The following FDX1 variants were observed in gnomAD, a reference collection of about 807,000 sequenced individuals.
The protein encoded by FDX1 is ferredoxin 1.
In FDX1, 9 loss-of-function variants were observed where a neutral mutation model predicts 14.9. The observed-to-expected ratio is 0.60, with a 90% CI of 0.36 to 1.05. FDX1 has a LOEUF of 1.05. Among genes scored for constraint, FDX1 ranks in the 50% least tolerant of loss-of-function variants. The pLI is 0.01. For missense variants in FDX1, 204 were observed against 237.2 expected (o/e 0.86, Z 0.92); for synonymous variants, 92 against 99.4 (o/e 0.93, Z 0.44).
Position 110,462,524 on chromosome 11 carries a change from T to C in FDX1, c.*56T>C. 1 of 1,002,550 alleles carries C rather than the reference T, an allele frequency of 1.0e-6. No homozygotes were observed. Among genetic ancestry groups the C allele is most frequent in the Non-Finnish European group, 1.5e-6 (1 of 658,918 alleles). The allele number at this position is 1,002,550 out of a possible 1,614,324, so 62.1% of individuals were successfully genotyped here. A position where few individuals can be genotyped will look rare whatever the true frequency, so the allele number is the denominator to read the frequency against. ...TTTTACCTATTTTTATAATTATTAT[T>C]TCTTAAAGTGATTAAATGAGAACAT... is the stretch of plus-strand genomic sequence containing the variant. On this transcript the variant is annotated 3_prime_UTR_variant, in exon 4 of 4. Transcript: ENST00000260270.
intron 3 of FDX1, among the ~76,000 whole-genome samples, chr11:110,458,910 G>A (rs1311467997): frequency 1.3e-5 from 2 of 152,072 alleles, no homozygotes; most frequent in African/African-American, 4.8e-5. Flanking sequence ...TGGCTTCAAT[G>A]TTTTATTGGT....
chr11:110,434,082 A>G lies in FDX1; in HGVS notation c.186-1752A>G, dbSNP rs368560777. ...TAGTTTTTAGTATAATGGCTTCTCA[A>G]ATTTTGGAGGGATGTTTGTGAGAAG... On this transcript the variant is annotated intron_variant, in intron 1 of 3. Coordinates refer to ENST00000260270, the MANE Select transcript of FDX1 (RefSeq NM_004109.5). 2.8e-3 allele frequency among the ~76,000 whole-genome samples: 429 copies of G among 152,298 alleles called. 3 individuals are homozygous for G. Among genetic ancestry groups the G allele is most frequent in the African/African-American group, 8.2e-3 (342 of 41,556 alleles).
At chr11:110,448,079 A>G (rs1396382283) in intron 2 of FDX1, among the ~76,000 whole-genome samples, 3 of 152,204 alleles carry the variant, frequency 2.0e-5, no homozygotes, top group African/African-American at 4.8e-5. Flanking sequence ...TGATGCAGGT[A>G]CCTGTTTTCA....
chr11:110,435,990 G>A, intron 2 of FDX1, 32 bp downstream of exon 2: 1 of 1,573,484 alleles, frequency 6.4e-7, no homozygotes, highest in Non-Finnish European at 8.6e-7. Context: ...AAATGCATAA[G>A]TGAAACTGTT....
At chr11:110,457,389 A>G (rs1211054821) in intron 3 of FDX1, among the ~76,000 whole-genome samples, 1 of 148,386 alleles carries the variant, frequency 6.7e-6, no homozygotes, top group African/African-American at 2.5e-5. Context: ...ATTGAACACA[A>G]TTATAATGGA....
In FDX1 at chr11:110,463,187, T is replaced by A. The variant is rs1946566516; in HGVS notation, c.*719T>A. The stretch of plus-strand genomic sequence containing the variant: ...GTTTATTCTTTTCTAAGCAGAATGG[T>A]TTAACTTTGTACTCTTTGAAAAATA... On this transcript the variant is annotated 3_prime_UTR_variant, in exon 4 of 4. Coordinates refer to ENST00000260270, the MANE Select transcript of FDX1 (RefSeq NM_004109.5). 6.6e-6 allele frequency: 1 copy of A among 152,242 alleles called. No individual in the cohort carries two copies. Among genetic ancestry groups the A allele is most frequent in the Admixed American group, 6.5e-5 (1 of 15,280 alleles). The allele number at this position is 152,242 out of a possible 1,614,324, so 9.4% of individuals were successfully genotyped here.
intron 1 of FDX1, among the ~76,000 whole-genome samples, chr11:110,431,738 A>G (rs1344361293): frequency 6.6e-6 from 1 of 152,130 alleles, no homozygotes; most frequent in Non-Finnish European, 1.5e-5. Flanking sequence ...TATCTTTCTC[A>G]GATTTGTTTT....
At chr11:110,462,000 TC>T (rs1946559673) in intron 3 of FDX1, among the ~76,000 whole-genome samples, 1 of 152,248 alleles carries the variant, frequency 6.6e-6, no homozygotes, top group South Asian at 2.1e-4. Flanking sequence ...TTAATCATTT[TC>T]TTGGCCTTGC....
chr11:110,461,029 A>T (rs1946553065), intron 3 of FDX1, among the ~76,000 whole-genome samples: 1 of 152,232 alleles, frequency 6.6e-6, no homozygotes, highest in African/African-American at 2.4e-5. Context: ...GATTTCATCA[A>T]ATTGAAGACA....
chr11:110,430,420 C>T, intron 1 of FDX1, 115 bp downstream of exon 1: 1 of 674,610 alleles, frequency 1.5e-6, no homozygotes, highest in Non-Finnish European at 2.0e-6. Context: ...GGGCCCACAC[C>T]CCGGAGGCCT....
At chr11:110,449,043 T>G (rs1946470101) in intron 2 of FDX1, among the ~76,000 whole-genome samples, 1 of 152,218 alleles carries the variant, frequency 6.6e-6, no homozygotes, top group Non-Finnish European at 1.5e-5. Flanking sequence ...AAATCATTTT[T>G]AAAGCCTGTA....
intron 2 of FDX1, among the ~76,000 whole-genome samples, chr11:110,450,109 C>T (rs1244246461): frequency 6.6e-6 from 1 of 152,116 alleles, no homozygotes; most frequent in African/African-American, 2.4e-5. Context: ...GACAAATTTT[C>T]CATGGGCAAG....
chr11:110,446,267 T>G (rs1324727044), intron 2 of FDX1, among the ~76,000 whole-genome samples: 1 of 152,190 alleles, frequency 6.6e-6, no homozygotes, highest in African/African-American at 2.4e-5. Context: ...GGGCAGCTGT[T>G]TCATTAATTC....
At chr11:110,434,720 T>C (rs1229760354) in intron 1 of FDX1, among the ~76,000 whole-genome samples, 1 of 113,156 alleles carries the variant, frequency 8.8e-6, no homozygotes, top group East Asian at 3.1e-4. Context: ...GTGATGACTT[T>C]TTTTGTTTTT....
intron 2 of FDX1, among the ~76,000 whole-genome samples, chr11:110,449,601 T>A (rs1468604380): frequency 1.3e-5 from 2 of 152,230 alleles, no homozygotes; most frequent in African/African-American, 4.8e-5. Context: ...GCAGTCACCA[T>A]GCTGTTGCTA....
At position 110,444,667 on chromosome 11, in the gene FDX1, TATATATATATATATATACAC is replaced by T. The variant is rs1565381791; in HGVS notation, c.310+8710_310+8729del. On this transcript the variant is annotated intron_variant, in intron 2 of 3. Transcript: ENST00000260270. The stretch of plus-strand genomic sequence containing the variant: ...GTGTGTGTGTATATATATATATACG[TATATATATATATATATACAC>T]GTATATATATATATATACGTATATA... Among the ~76,000 whole-genome samples, 43 of 55,218 alleles carry T rather than the reference TATATATATATATATATACAC, an allele frequency of 7.8e-4. 5 individuals are homozygous for T. The highest frequency in any genetic ancestry group is 4.0e-3 in the African/African-American group (39 of 9,684). The allele number at this position is 55,218 out of a possible 152,430, so 36.2% of individuals were successfully genotyped here.
At chr11:110,453,117 A>G (rs1946497094) in intron 2 of FDX1, among the ~76,000 whole-genome samples, 1 of 152,096 alleles carries the variant, frequency 6.6e-6, no homozygotes, top group Admixed American at 6.5e-5. Context: ...CAGGCAGATC[A>G]CCTGAGGTCA....
At chr11:110,445,150 C>T (rs1251594930) in intron 2 of FDX1, among the ~76,000 whole-genome samples, 2 of 151,882 alleles carry the variant, frequency 1.3e-5, no homozygotes, top group Non-Finnish European at 2.9e-5. Flanking sequence ...CTTTAAATGT[C>T]CTATTTGATA....
At chr11:110,446,914 C>T (rs931456935) in intron 2 of FDX1, among the ~76,000 whole-genome samples, 4 of 152,186 alleles carry the variant, frequency 2.6e-5, no homozygotes, top group East Asian at 1.9e-4. Context: ...CAGTGGCTGA[C>T]GCCTGTAATC....
Sources: allele counts gnomAD v4.1 joint callset (sites outside exome capture counted in the v4.1 genomes callset), GRCh38; gene constraint gnomAD v4.1.1; transcripts MANE v1.5; gene names NCBI Gene and HGNC (gene_info 2026-07-23, HGNC 2026-07-21).